FMNL2: variants seen among roughly 807,000 people sequenced by gnomAD.
FMNL2 encodes formin-like protein 2.
Under a neutral mutation model 130.2 loss-of-function variants are expected in FMNL2, and 51 were observed. That is an observed-to-expected ratio of 0.39 (90% CI 0.31 to 0.49). The LOEUF is 0.49. Among genes scored for constraint, FMNL2 ranks in the 20% least tolerant of loss-of-function variants. FMNL2 has a pLI of 0.85. For missense variants in FMNL2, 977 were observed against 1,316.2 expected (o/e 0.74, Z 3.99); for synonymous variants, 465 against 467.1 (o/e 1.00, Z 0.06).
intron 9 of FMNL2, among the ~76,000 whole-genome samples, chr2:152,599,215 T>C (rs1046672347): frequency 5.3e-5 from 8 of 152,202 alleles, no homozygotes; most frequent in East Asian, 1.9e-4. Context: ...CCGTCTCAAG[T>C]TGACGCATAA....
intron 1 of FMNL2, among the ~76,000 whole-genome samples, chr2:152,507,481 A>G (rs1213645641): frequency 6.6e-6 from 1 of 152,158 alleles, no homozygotes; most frequent in Non-Finnish European, 1.5e-5. Flanking sequence ...TTTGATTTTC[A>G]TAACAATCCT....
chr2:152,634,405 C>T (rs1405344785), intron 21 of FMNL2, among the ~76,000 whole-genome samples: 1 of 152,228 alleles, frequency 6.6e-6, no homozygotes, highest in Admixed American at 6.5e-5. Context: ...TTCACTCCAG[C>T]CTGGGTGAAA....
chr2:152,375,865 C>G (rs1457734853), intron 1 of FMNL2, among the ~76,000 whole-genome samples: 3 of 112,528 alleles, frequency 2.7e-5, no homozygotes, highest in African/African-American at 1.0e-4. Context: ...CTCTCTCTCT[C>G]TCTCTCTCTC....
chr2:152,578,144 G>C (rs1696578701), intron 7 of FMNL2, among the ~76,000 whole-genome samples: 1 of 152,120 alleles, frequency 6.6e-6, no homozygotes, highest in African/African-American at 2.4e-5. Flanking sequence ...GAGGAGGTAA[G>C]CCACAAATCT....
intron 3 of FMNL2, among the ~76,000 whole-genome samples, chr2:152,547,670 A>G (rs2105521747): frequency 6.6e-6 from 1 of 152,256 alleles, no homozygotes; most frequent in East Asian, 1.9e-4. Flanking sequence ...TTGCCACCCC[A>G]CATTCTGGAA....
At chr2:152,514,790 T>C (rs995574211) in intron 1 of FMNL2, among the ~76,000 whole-genome samples, 4 of 152,188 alleles carry the variant, frequency 2.6e-5, no homozygotes, top group Non-Finnish European at 2.9e-5. Flanking sequence ...CTTATTGTTC[T>C]CCACGAACCT....
intron 1 of FMNL2, among the ~76,000 whole-genome samples, chr2:152,511,178 C>T (rs1027696288): frequency 1.3e-5 from 2 of 152,136 alleles, no homozygotes; most frequent in African/African-American, 4.8e-5. Context: ...TAACAATAAA[C>T]AAAGGTACCA....
intron 6 of FMNL2, among the ~76,000 whole-genome samples, chr2:152,565,073 T>A (rs1181111656): frequency 6.6e-6 from 1 of 152,172 alleles, no homozygotes; most frequent in Non-Finnish European, 1.5e-5. Context: ...CAGAGCTAGC[T>A]AAATTTAACA....
In FMNL2 at chr2:152,405,013, G is replaced by A. The variant is rs530237773; in HGVS notation, c.117+69293G>A. ...CCAGTCTTTGTTAATTCCTGTCTCC[G>A]GAAAGAATGGTTGGTAAAGGCACAT... On this transcript the variant is annotated intron_variant, in intron 1 of 25. Transcript: ENST00000288670. Among the ~76,000 whole-genome samples, 7 of 152,166 alleles carry A rather than the reference G, an allele frequency of 4.6e-5. No homozygotes were observed. The East Asian group carries it at 1.2e-3, about 25-fold the overall frequency.
At chr2:152,342,630 G>T (rs1479006680) in intron 1 of FMNL2, among the ~76,000 whole-genome samples, 1 of 152,166 alleles carries the variant, frequency 6.6e-6, no homozygotes, top group Non-Finnish European at 1.5e-5. Flanking sequence ...ATACTGCAGG[G>T]TGATCTTCCT....
intron 11 of FMNL2, 53 bp downstream of exon 11, chr2:152,611,658 C>G: frequency 1.7e-6 from 2 of 1,189,648 alleles, no homozygotes; most frequent in South Asian, 2.6e-5. Context: ...TTATTATTGC[C>G]TGCCCTCAAA....
chr2:152,509,139 C>T (rs537152092), intron 1 of FMNL2, among the ~76,000 whole-genome samples: 26 of 152,274 alleles, frequency 1.7e-4, no homozygotes, highest in Non-Finnish European at 2.6e-4. Flanking sequence ...GAATATAAAA[C>T]CAGGCATAAC....
intron 1 of FMNL2, among the ~76,000 whole-genome samples, chr2:152,508,007 T>C (rs936173159): frequency 6.6e-6 from 1 of 152,260 alleles, no homozygotes; most frequent in Non-Finnish European, 1.5e-5. Context: ...TTTGTGTTAA[T>C]TTGATAAATC....
chr2:152,411,850 G>A (rs936000650), intron 1 of FMNL2, among the ~76,000 whole-genome samples: 1 of 152,122 alleles, frequency 6.6e-6, no homozygotes, highest in Admixed American at 6.5e-5. Context: ...GTACCCTTTG[G>A]ACATTCAGCT....
chr2:152,547,195 G>A (rs868773789), intron 3 of FMNL2, among the ~76,000 whole-genome samples: 1 of 152,198 alleles, frequency 6.6e-6, no homozygotes, highest in Middle Eastern at 3.4e-3. Flanking sequence ...CACCCACCTT[G>A]GCCTCTCAAA....
intron 10 of FMNL2, 68 bp from the exon 11 acceptor site, chr2:152,611,427 C>T: frequency 1.3e-6 from 1 of 749,660 alleles, no homozygotes; most frequent in South Asian, 1.8e-5. Context: ...AAATTGAAAG[C>T]ACATGTCTGC....
chr2:152,644,466 A>C (rs924748347), intron 25 of FMNL2, among the ~76,000 whole-genome samples: 2 of 152,196 alleles, frequency 1.3e-5, no homozygotes, highest in African/African-American at 4.8e-5. Context: ...TGGAACTCGT[A>C]ATATGAGCTT....
At chr2:152,466,065 A>G (rs1020608976) in intron 1 of FMNL2, among the ~76,000 whole-genome samples, 2 of 152,266 alleles carry the variant, frequency 1.3e-5, no homozygotes, top group Non-Finnish European at 2.9e-5. Context: ...ACCTTAACTA[A>G]TAAGATGATC....
At chr2:152,396,100 T>C (rs1685379180) in intron 1 of FMNL2, among the ~76,000 whole-genome samples, 1 of 152,166 alleles carries the variant, frequency 6.6e-6, no homozygotes, top group Non-Finnish European at 1.5e-5. Context: ...AATCACGGCA[T>C]TTCTGCAAAA....
Sources: gnomAD v4.1 joint callset for allele counts (sites outside exome capture counted in the v4.1 genomes callset) on GRCh38, gnomAD v4.1.1 for gene constraint, MANE v1.5 for transcripts, NCBI Gene and HGNC (gene_info 2026-07-23, HGNC 2026-07-21) for gene names.